The following PUDP variants were observed in gnomAD, a reference collection of about 807,000 sequenced individuals.
The protein encoded by PUDP is pseudouridine 5'-phosphatase.
In PUDP, 8 loss-of-function variants were observed where a neutral mutation model predicts 9.4. The observed-to-expected ratio is 0.85, with a 90% CI of 0.50 to 1.53. PUDP has a LOEUF of 1.53. Ranked by LOEUF, PUDP falls within the 40% of genes most tolerant of loss-of-function variation. PUDP has a pLI of 0.00. For synonymous variants in PUDP, 99 were observed against 80.7 expected, an observed-to-expected ratio of 1.23 and a Z score of -1.22; for missense variants, 188 against 189.7, an observed-to-expected ratio of 0.99 and a Z score of 0.05.
chrX:6,776,908 C>G (rs920963218), intron 3 of PUDP, among the ~76,000 whole-genome samples: 13 of 112,347 alleles, frequency 1.2e-4, no homozygotes, highest in African/African-American at 4.2e-4. Flanking sequence ...TTCCACACAT[C>G]TCGGAATATT....
rs770064318 is a variant in PUDP, at chrX:6,734,553, G to A, written c.*248-28087C>T. On this transcript the variant is annotated intron_variant and NMD_transcript_variant, in intron 3 of 3. Transcript: ENST00000655425. Reference sequence around the variant, plus strand: ...TTTGGGAGGCCGAGGAGGAAGGATCGCTTGAGCCCAGGAGTTGAAGATGAG... The same window carrying A: ...TTTGGGAGGCCGAGGAGGAAGGATCACTTGAGCCCAGGAGTTGAAGATGAG... 7.2e-5 allele frequency among the ~76,000 whole-genome samples: 8 copies of A among 111,777 alleles called. No homozygotes were observed. The East Asian group carries it at 1.1e-3, about 16-fold the overall frequency.
chrX:6,996,557 CAT>C lies in PUDP; in HGVS notation c.205-18216_205-18215del, dbSNP rs10658533. ...ATAGTTTCAATTTCCATTTTTTCCT[CAT>C]ATATATATACACATATATATGTATA... On this transcript the variant is annotated intron_variant and NMD_transcript_variant, in intron 1 of 3. Transcript: ENST00000655425. Among the ~76,000 whole-genome samples the C allele has an allele frequency of 9.6e-5, 10 of 104,313 alleles. No homozygotes were observed. In the South Asian group the frequency reaches 3.0e-3, roughly 31 times the overall value. 90.6% of individuals were successfully genotyped at this position (104,313 alleles called of 115,157 possible). A position where few individuals can be genotyped will look rare whatever the true frequency, so the allele number is the denominator to read the frequency against.
intron 2 of PUDP, among the ~76,000 whole-genome samples, chrX:7,086,476 G>A (rs758201269): frequency 1.3e-4 from 15 of 111,910 alleles, no homozygotes; most frequent in Non-Finnish European, 2.6e-4. Context: ...ACTACTGTGC[G>A]CTTTTTAGTT....
At chrX:7,043,218 A>G (rs905526792) in intron 1 of PUDP, among the ~76,000 whole-genome samples, 36 of 111,698 alleles carry the variant, frequency 3.2e-4, no homozygotes, top group Non-Finnish European at 3.8e-5. Context: ...TTGATCCCCA[A>G]TGTTGGAGAT....
intron 3 of PUDP, among the ~76,000 whole-genome samples, chrX:7,057,358 A>G (rs760644071): frequency 2.1e-4 from 23 of 110,335 alleles, no homozygotes; most frequent in Non-Finnish European, 4.0e-4. Context: ...TCAGGGAGCC[A>G]GCGTGGTCTC....
chrX:6,796,089 G>A (rs1014565276), intron 3 of PUDP, among the ~76,000 whole-genome samples: 4 of 111,692 alleles, frequency 3.6e-5, no homozygotes, highest in Non-Finnish European at 5.6e-5. Flanking sequence ...ACTTAACTCC[G>A]ACCATAACCT....
intron 3 of PUDP, among the ~76,000 whole-genome samples, chrX:6,783,891 C>T (rs914912654): frequency 5.4e-5 from 6 of 111,559 alleles, no homozygotes; most frequent in Admixed American, 2.9e-4. Context: ...GAGAATGAAG[C>T]GTGCCAGTGT....
chrX:6,906,398 T>C (rs1927767337), intron 3 of PUDP, among the ~76,000 whole-genome samples: 1 of 112,242 alleles, frequency 8.9e-6, no homozygotes, highest in Non-Finnish European at 1.9e-5. Flanking sequence ...AAGAAATGAT[T>C]ATGTATTCTC....
intron 3 of PUDP, among the ~76,000 whole-genome samples, chrX:6,833,567 G>A: frequency 8.9e-6 from 1 of 111,965 alleles, no homozygotes; most frequent in Non-Finnish European, 1.9e-5. Flanking sequence ...GTGAGGCTGA[G>A]TGGGTGAATG....
At chrX:7,036,338 T>C (rs1294011014) in intron 1 of PUDP, among the ~76,000 whole-genome samples, 4 of 112,116 alleles carry the variant, frequency 3.6e-5, no homozygotes, top group African/African-American at 6.5e-5. Context: ...TATTGGGATA[T>C]TTGTTAATTA....
intron 3 of PUDP, among the ~76,000 whole-genome samples, chrX:6,960,927 G>T (rs1928698395): frequency 8.9e-6 from 1 of 111,858 alleles, no homozygotes; most frequent in Non-Finnish European, 1.9e-5. Flanking sequence ...TACACAATAT[G>T]GAAATAAATG....
intron 1 of PUDP, among the ~76,000 whole-genome samples, chrX:7,118,596 C>CTATGAACT (rs1209998898): frequency 8.9e-6 from 1 of 111,985 alleles, no homozygotes; most frequent in African/African-American, 3.3e-5. Flanking sequence ...AACTGTAATG[C>CTATGAACT]TATGAACTAG....
intron 1 of PUDP, among the ~76,000 whole-genome samples, chrX:7,117,579 A>G (rs1297381790): frequency 8.9e-6 from 1 of 112,834 alleles, no homozygotes; most frequent in African/African-American, 3.2e-5. Context: ...CAAAGTTGGA[A>G]GTTATATTTA....
rs767543514 is a variant in PUDP, at chrX:7,049,190, GC to G, written c.*1105del. On this transcript the variant is annotated 3_prime_UTR_variant, in exon 4 of 4. Coordinates refer to ENST00000381077, the MANE Select transcript of PUDP (RefSeq NM_012080.5). ...AGCTCAAGGACATCAAAGGGCAGAGGCCCCTAGGAAGGGCTGAGCCACAATG... is the reference window on the plus strand; with the variant it reads ...AGCTCAAGGACATCAAAGGGCAGAGGCCCTAGGAAGGGCTGAGCCACAATG... 8.9e-6 allele frequency: 1 copy of G among 111,990 alleles called. No homozygotes were observed. The highest frequency in any genetic ancestry group is 1.9e-5 in the Non-Finnish European group (1 of 53,196). 9.2% of individuals were successfully genotyped at this position (111,990 alleles called of 1,213,427 possible).
intron 3 of PUDP, among the ~76,000 whole-genome samples, chrX:6,916,457 T>A (rs1323312298): frequency 9.2e-6 from 1 of 108,644 alleles, no homozygotes; most frequent in Non-Finnish European, 1.9e-5. Flanking sequence ...AACCAATCTA[T>A]CCAATAAGAT....
intron 1 of PUDP, among the ~76,000 whole-genome samples, chrX:7,107,088 C>T (rs915966390): frequency 2.1e-4 from 24 of 111,804 alleles, no homozygotes; most frequent in African/African-American, 6.8e-4. Flanking sequence ...AGAAGACACA[C>T]GGATGCATCT....
intron 3 of PUDP, among the ~76,000 whole-genome samples, chrX:6,923,804 C>T (rs1385002645): frequency 3.6e-5 from 4 of 111,528 alleles, no homozygotes; most frequent in Non-Finnish European, 5.6e-5. Flanking sequence ...AGTGGCTCCA[C>T]GTCTCCTCAA....
chrX:6,849,847 A>G (rs1926801963), intron 3 of PUDP, among the ~76,000 whole-genome samples: 1 of 112,182 alleles, frequency 8.9e-6, no homozygotes, highest in South Asian at 3.7e-4. Context: ...TTATGTCCAC[A>G]GCACAGTAAA....
intron 1 of PUDP, among the ~76,000 whole-genome samples, chrX:7,036,632 A>G (rs1245608348): frequency 9.1e-6 from 1 of 109,637 alleles, no homozygotes; most frequent in Non-Finnish European, 1.9e-5. Flanking sequence ...CATCCTTCAA[A>G]TTCTTTCAGT....
Sources: allele counts gnomAD v4.1 joint callset (sites outside exome capture counted in the v4.1 genomes callset), GRCh38; gene constraint gnomAD v4.1.1; transcripts MANE v1.5; gene names NCBI Gene and HGNC (gene_info 2026-07-23, HGNC 2026-07-21).